Variants in PARPBP observed in about 807,000 individuals in gnomAD.
PARPBP encodes the protein PARP1 binding protein, also known as PCNA-interacting partner.
Under a neutral mutation model 50.0 loss-of-function variants are expected in PARPBP, and 52 were observed. That is an observed-to-expected ratio of 1.04 (90% CI 0.83 to 1.31). The LOEUF is 1.31. Ranked by LOEUF, PARPBP falls within the 50% of genes most tolerant of loss-of-function variation. The pLI is 0.00. For synonymous variants in PARPBP, 244 were observed against 232.1 expected, an observed-to-expected ratio of 1.05 and a Z score of -0.47; for missense variants, 697 against 672.0, an observed-to-expected ratio of 1.04 and a Z score of -0.41.
intron 2 of PARPBP, among the ~76,000 whole-genome samples, chr12:102,129,915 A>G (rs1024966015): frequency 1.3e-5 from 2 of 152,230 alleles, no homozygotes; most frequent in African/African-American, 2.4e-5. Flanking sequence ...ATGGAACCCA[A>G]AAAGACCCCA....
chr12:102,143,923 A>T (rs1885010844), intron 2 of PARPBP, among the ~76,000 whole-genome samples: 1 of 152,194 alleles, frequency 6.6e-6, no homozygotes, highest in African/African-American at 2.4e-5. Flanking sequence ...TGTAACTGTG[A>T]TCTAACAAGA....
At position 102,148,236 on chromosome 12, in the gene PARPBP, G is replaced by A. The variant is rs776988657; in HGVS notation, c.160G>A (p.Gly54Arg). 8.8e-6 allele frequency: 13 copies of A among 1,469,758 alleles called. No individual in the cohort carries two copies. The African/African-American group carries it at 1.7e-4, about 19-fold the overall frequency. 91.0% of individuals were successfully genotyped at this position (1,469,758 alleles called of 1,614,324 possible). The change falls in exon 3 of 11, where the codon GGA becomes AGA. Residue 54 changes from glycine to arginine, a missense_variant. Physicochemically the swap from Gly to Arg is moderately radical, Grantham distance 125 (BLOSUM62 -2). Transcript: ENST00000327680. Reference sequence around the variant, plus strand: ...TTGGCATTATCTTTTTCAGCACAGTGGAGAATTTACAGTCTCTCTCAGTGA... The same window carrying A: ...TTGGCATTATCTTTTTCAGCACAGTAGAGAATTTACAGTCTCTCTCAGTGA... ...SMAENNKQHS[G>R]EFTVSLSDVL...
intron 6 of PARPBP, among the ~76,000 whole-genome samples, chr12:102,168,241 G>C (rs1272066970): frequency 6.6e-6 from 1 of 152,132 alleles, no homozygotes; most frequent in African/African-American, 2.4e-5. Flanking sequence ...AATATGGTTT[G>C]TTATAATTAC....
chr12:102,148,933 A>C (rs761512974), intron 3 of PARPBP: 2 of 152,506 alleles, frequency 1.3e-5, no homozygotes, highest in Non-Finnish European at 2.9e-5. Context: ...GAGATAATAG[A>C]CTATTCTTTT....
At chr12:102,169,133 A>G (rs1888437746) in intron 6 of PARPBP, among the ~76,000 whole-genome samples, 1 of 151,944 alleles carries the variant, frequency 6.6e-6, no homozygotes, top group Non-Finnish European at 1.5e-5. Flanking sequence ...TTTTCCCTCT[A>G]CTGAAGCTAT....
Position 102,153,973 on chromosome 12 carries a change from A to T in PARPBP, c.492A>T (p.Glu164Asp), listed in dbSNP as rs1347280656. ...SPTSKYNRDN[E>D]KVQLLARKII... ...CAAGTAAATACAACCGTGATAATGA[A>T]AAGGTACTGATAAACTGTGAGTAAA... The change falls in exon 4 of 11, where the codon GAA becomes GAT. Residue 164 changes from glutamate to aspartate, a missense_variant. By Grantham distance (45) the Glu-to-Asp change is conservative. Transcript: ENST00000327680. The T allele has an allele frequency of 1.3e-6, 2 of 1,516,430 alleles. No homozygotes were observed. Among genetic ancestry groups the T allele is most frequent in the South Asian group, 2.2e-5 (2 of 88,964 alleles). The allele number at this position is 1,516,430 out of a possible 1,614,324, so 93.9% of individuals were successfully genotyped here.
At chr12:102,189,154 C>T (rs148219817) in intron 9 of PARPBP, among the ~76,000 whole-genome samples, 1 of 152,168 alleles carries the variant, frequency 6.6e-6, no homozygotes, top group African/African-American at 2.4e-5. Flanking sequence ...AAGGTCAGTT[C>T]ACATCAGATT....
chr12:102,138,649 T>A (rs1171711041), intron 2 of PARPBP, among the ~76,000 whole-genome samples: 1 of 152,226 alleles, frequency 6.6e-6, no homozygotes, highest in East Asian at 1.9e-4. Context: ...TAATCCATCT[T>A]GAATTAATTT....
chr12:102,179,574 G>A (rs1304637857), intron 8 of PARPBP, among the ~76,000 whole-genome samples: 2 of 152,168 alleles, frequency 1.3e-5, no homozygotes, highest in Non-Finnish European at 2.9e-5. Flanking sequence ...CTTGGTAGAA[G>A]CACATGGAGA....
intron 4 of PARPBP, among the ~76,000 whole-genome samples, chr12:102,157,731 G>C (rs1360653863): frequency 6.6e-6 from 1 of 152,164 alleles, no homozygotes; most frequent in Non-Finnish European, 1.5e-5. Flanking sequence ...CTTTGGCACT[G>C]TATAAATAAT....
chr12:102,185,945 G>A (rs981547375), intron 9 of PARPBP, among the ~76,000 whole-genome samples: 4 of 151,976 alleles, frequency 2.6e-5, no homozygotes, highest in Non-Finnish European at 5.9e-5. Flanking sequence ...TGAGCCACCC[G>A]GCCCAGCTGC....
At chr12:102,195,844 A>C in intron 10 of PARPBP, 107 bp from the exon 11 acceptor site, 1 of 678,222 alleles carries the variant, frequency 1.5e-6, no homozygotes, top group Non-Finnish European at 2.5e-6. Flanking sequence ...TTTTACTTTA[A>C]AAATTTGAAT....
intron 2 of PARPBP, 128 bp downstream of exon 2, chr12:102,124,169 T>C (rs371517621): frequency 1.2e-5 from 8 of 660,308 alleles, no homozygotes; most frequent in African/African-American, 5.5e-5. Context: ...TAATACACCA[T>C]TTTCACAAAT....
At position 102,165,751 on chromosome 12, in the gene PARPBP, C is replaced by A. The variant is rs761342461; in HGVS notation, c.689C>A (p.Thr230Lys). The A allele has an allele frequency of 7.5e-6, 12 of 1,608,358 alleles. No homozygotes were observed. In the African/African-American group the frequency reaches 1.6e-4, roughly 22 times the overall value. The part of the protein sequence containing the change: ...IFLVATSFIR[T>K]IELGGKGYAP... ...TAGGTGGCCACGTCTTTTATTAGAA[C>A]AATAGAGCTTGGAGGGAAAGGATAT... The change falls in exon 6 of 11, where the codon ACA becomes AAA. Residue 230 changes from threonine (T) to lysine (K), a missense_variant. Coordinates refer to ENST00000327680, the MANE Select transcript of PARPBP (RefSeq NM_017915.5).
chr12:102,124,177 A>T, intron 2 of PARPBP, 136 bp downstream of exon 2: 1 of 654,200 alleles, frequency 1.5e-6, no homozygotes, highest in African/African-American at 1.8e-5. Context: ...CATTTTCACA[A>T]ATGCCTCTGT....
At chr12:102,134,191 A>G (rs73384830) in intron 2 of PARPBP, among the ~76,000 whole-genome samples, 129 of 151,414 alleles carry the variant, frequency 8.5e-4, no homozygotes, top group African/African-American at 2.8e-3. Flanking sequence ...GAAAAGATAA[A>G]CAAAATCAAC....
intron 3 of PARPBP, 80 bp downstream of exon 3, chr12:102,148,543 A>G (rs1477940211): frequency 5.3e-6 from 3 of 569,584 alleles, no homozygotes; most frequent in South Asian, 3.1e-5. Context: ...ATCACCAGTT[A>G]TAGTAACTTG....
chr12:102,178,558 T>G (rs768393566), intron 7 of PARPBP, 34 bp from the exon 8 acceptor site: 1 of 1,459,644 alleles, frequency 6.9e-7, no homozygotes, highest in Non-Finnish European at 9.3e-7. Flanking sequence ...CTGGGGTGAT[T>G]ATTACATTTA....
At chr12:102,188,524 A>C (rs1890515732) in intron 9 of PARPBP, among the ~76,000 whole-genome samples, 1 of 152,162 alleles carries the variant, frequency 6.6e-6, no homozygotes, top group Admixed American at 6.6e-5. Context: ...TGAGGTTATC[A>C]GTCTTTCACT....
Sources: allele counts gnomAD v4.1 joint callset (sites outside exome capture counted in the v4.1 genomes callset), GRCh38; gene constraint gnomAD v4.1.1; transcripts MANE v1.5; gene names NCBI Gene and HGNC (gene_info 2026-07-23, HGNC 2026-07-21).